TIMMDC1: variants seen among roughly 807,000 people sequenced by gnomAD.
TIMMDC1 encodes the protein complex I assembly factor TIMMDC1, mitochondrial.
A neutral mutation model predicts 32.6 loss-of-function variants in TIMMDC1; 25 were observed. The ratio of observed to expected loss-of-function variants is 0.77; its 90% CI spans 0.56 to 1.07. TIMMDC1 has a LOEUF of 1.07. Among genes scored for constraint, TIMMDC1 ranks in the 50% least tolerant of loss-of-function variants. TIMMDC1 has a pLI of 0.00. For missense variants in TIMMDC1, 329 were observed against 349.2 expected (o/e 0.94, Z 0.46); for synonymous variants, 130 against 127.6 (o/e 1.02, Z -0.13).
At chr3:119,511,026 C>T (rs2107731130) in intron 4 of TIMMDC1, among the ~76,000 whole-genome samples, 2 of 152,300 alleles carry the variant, frequency 1.3e-5, no homozygotes, top group African/African-American at 4.8e-5. Context: ...TAAACAGTTG[C>T]TTCACACATA....
intron 4 of TIMMDC1, among the ~76,000 whole-genome samples, chr3:119,505,410 C>G (rs1369074166): frequency 1.3e-5 from 2 of 151,634 alleles, no homozygotes; most frequent in African/African-American, 4.8e-5. Flanking sequence ...GTTGCCCAGG[C>G]TGGAGTACAA....
chr3:119,501,420 TATC>T (rs2081874225), intron 2 of TIMMDC1, among the ~76,000 whole-genome samples: 3 of 152,238 alleles, frequency 2.0e-5, no homozygotes, highest in Admixed American at 1.3e-4. Flanking sequence ...ATGTTTGTTT[TATC>T]ATTCTCCCTC....
At chr3:119,509,023 T>C (rs886990937) in intron 4 of TIMMDC1, among the ~76,000 whole-genome samples, 1 of 151,962 alleles carries the variant, frequency 6.6e-6, no homozygotes, top group African/African-American at 2.4e-5. Context: ...CTGGCCAACA[T>C]GGTGAAACCT....
chr3:119,499,120 G>T (rs1231818403), intron 1 of TIMMDC1, among the ~76,000 whole-genome samples, 193 bp downstream of exon 1: 2 of 144,148 alleles, frequency 1.4e-5, no homozygotes, highest in African/African-American at 5.1e-5. Context: ...TCCAGACAGG[G>T]TCTTGCTCTG....
intron 6 of TIMMDC1, among the ~76,000 whole-genome samples, chr3:119,517,583 T>A (rs2081994727): frequency 6.6e-6 from 1 of 152,244 alleles, no homozygotes; most frequent in Non-Finnish European, 1.5e-5. Context: ...CTTGCTTGCA[T>A]GTTTTTTCTT....
intron 4 of TIMMDC1, among the ~76,000 whole-genome samples, chr3:119,505,595 G>A (rs1158826654): frequency 6.6e-6 from 1 of 152,142 alleles, no homozygotes; most frequent in South Asian, 2.1e-4. Context: ...TCGAACTCCC[G>A]ACCTCAGGTG....
chr3:119,517,400 A>G lies in TIMMDC1; in HGVS notation c.707+85A>G. 7.6e-6 allele frequency: 6 copies of G among 791,238 alleles called. No homozygotes were observed. The South Asian group carries it at 9.3e-5, about 12-fold the overall frequency. The allele number at this position is 791,238 out of a possible 1,614,324, so 49.0% of individuals were successfully genotyped here. ...GTGCTCTTTTAAACTTATGTACTCT[A>G]AACTGCCACTCAATTCAAAGAAGAG... On this transcript the variant is annotated intron_variant, in intron 6 of 6. Coordinates refer to ENST00000494664, the MANE Select transcript of TIMMDC1 (RefSeq NM_016589.4).
intron 5 of TIMMDC1, among the ~76,000 whole-genome samples, chr3:119,515,775 G>A (rs1389003473): frequency 2.6e-5 from 4 of 152,092 alleles, no homozygotes; most frequent in Admixed American, 6.5e-5. Flanking sequence ...ATCCATTGAC[G>A]ACCCATGCTG....
chr3:119,516,951 T>C (rs1157174330), intron 5 of TIMMDC1, among the ~76,000 whole-genome samples: 2 of 152,240 alleles, frequency 1.3e-5, no homozygotes, highest in Admixed American at 1.3e-4. Context: ...AGCCAGTTTC[T>C]AGATCTGTTG....
intron 6 of TIMMDC1, among the ~76,000 whole-genome samples, chr3:119,517,801 C>T (rs565907819): frequency 6.6e-6 from 1 of 152,120 alleles, no homozygotes; most frequent in East Asian, 1.9e-4. Context: ...AACCCCATTT[C>T]TACTAAAAGT....
intron 4 of TIMMDC1, among the ~76,000 whole-genome samples, chr3:119,506,371 T>C (rs1437224233): frequency 1.3e-5 from 2 of 152,094 alleles, no homozygotes; most frequent in African/African-American, 4.8e-5. Context: ...TGCAAAAAGT[T>C]ATCTGGGCAT....
intron 5 of TIMMDC1, among the ~76,000 whole-genome samples, chr3:119,515,208 C>CAAA (rs35275676): frequency 7.9e-6 from 1 of 126,302 alleles, no homozygotes; most frequent in African/African-American, 2.8e-5. Context: ...GACTCCATCT[C>CAAA]AAAAAAAAAA....
At chr3:119,506,368 A>G (rs1021498652) in intron 4 of TIMMDC1, among the ~76,000 whole-genome samples, 4 of 152,280 alleles carry the variant, frequency 2.6e-5, no homozygotes, top group African/African-American at 7.2e-5. Context: ...GTGTGCAAAA[A>G]GTTATCTGGG....
intron 2 of TIMMDC1, among the ~76,000 whole-genome samples, chr3:119,501,102 C>T (rs1177741637): frequency 6.6e-6 from 1 of 152,230 alleles, no homozygotes; most frequent in Non-Finnish European, 1.5e-5. Flanking sequence ...TTTTCTTTCT[C>T]AAATACATTT....
Position 119,524,852 on chromosome 3 carries a change from A to G in TIMMDC1, c.*1096A>G, listed in dbSNP as rs748440017. The G allele has an allele frequency of 6.6e-6, 1 of 152,216 alleles. No homozygotes were observed. The highest frequency in any genetic ancestry group is 1.5e-5 in the Non-Finnish European group (1 of 68,034). The allele number at this position is 152,216 out of a possible 1,614,324, so 9.4% of individuals were successfully genotyped here. A position where few individuals can be genotyped will look rare whatever the true frequency, so the allele number is the denominator to read the frequency against. On this transcript the variant is annotated 3_prime_UTR_variant, in exon 7 of 7. Coordinates refer to ENST00000494664, the MANE Select transcript of TIMMDC1 (RefSeq NM_016589.4). ...GGAGAAAAAGCCATCTTAGGGATCT[A>G]AGGAGGCCCTATGGAAAGTTACTAC...
chr3:119,512,433 C>T (rs571260669), intron 4 of TIMMDC1, among the ~76,000 whole-genome samples: 6 of 152,054 alleles, frequency 3.9e-5, no homozygotes, highest in East Asian at 2.0e-4. Context: ...TGTGTGCCGC[C>T]ATGCCCGGCT....
At chr3:119,508,938 G>T (rs1047177042) in intron 4 of TIMMDC1, among the ~76,000 whole-genome samples, 1 of 152,190 alleles carries the variant, frequency 6.6e-6, no homozygotes, top group Non-Finnish European at 1.5e-5. Context: ...AGGTGTGGTG[G>T]CTTATGCCTG....
chr3:119,506,987 C>G (rs2081922947), intron 4 of TIMMDC1, among the ~76,000 whole-genome samples: 1 of 152,122 alleles, frequency 6.6e-6, no homozygotes, highest in Non-Finnish European at 1.5e-5. Flanking sequence ...GAGAGTTCTC[C>G]CTAGCCATTT....
chr3:119,505,847 A>G (rs946829025), intron 4 of TIMMDC1, among the ~76,000 whole-genome samples: 14 of 152,332 alleles, frequency 9.2e-5, no homozygotes, highest in African/African-American at 3.1e-4. Flanking sequence ...TTGCTACTGC[A>G]TGCACTCTCC....
Sources: gnomAD v4.1 joint callset for allele counts (sites outside exome capture counted in the v4.1 genomes callset) on GRCh38, gnomAD v4.1.1 for gene constraint, MANE v1.5 for transcripts, NCBI Gene and HGNC (gene_info 2026-07-23, HGNC 2026-07-21) for gene names.